The following NEGR1 variants were observed in gnomAD, a reference collection of about 807,000 sequenced individuals.
NEGR1 encodes neuronal growth regulator 1, also known as IgLON family member 4.
NEGR1 carries 10 observed loss-of-function variants against 40.9 expected under a neutral mutation model. That is an observed-to-expected ratio of 0.24 (90% CI 0.15 to 0.42). The LOEUF (loss-of-function observed/expected upper bound fraction) is 0.42, where lower values mean the gene tolerates loss of function less well. Among genes scored for constraint, NEGR1 ranks in the 10% least tolerant of loss-of-function variants. The pLI is 1.00. For synonymous variants in NEGR1, 185 were observed against 166.8 expected, an observed-to-expected ratio of 1.11 and a Z score of -0.84; for missense variants, 352 against 438.9, an observed-to-expected ratio of 0.80 and a Z score of 1.77.
intron 1 of NEGR1, among the ~76,000 whole-genome samples, chr1:72,060,621 A>G (rs992537732): frequency 1.3e-5 from 2 of 151,634 alleles, no homozygotes; most frequent in African/African-American, 4.8e-5. Flanking sequence ...TAAGCTCTGG[A>G]TTACAGAATG....
intron 3 of NEGR1, among the ~76,000 whole-genome samples, chr1:71,715,080 C>A (rs1356798321): frequency 6.6e-6 from 1 of 152,232 alleles, no homozygotes; most frequent in Non-Finnish European, 1.5e-5. Context: ...GGTTCCCAAA[C>A]CTCGATTCTT....
intron 4 of NEGR1, among the ~76,000 whole-genome samples, chr1:71,635,334 C>A (rs1651112253): frequency 6.6e-6 from 1 of 152,068 alleles, no homozygotes; most frequent in African/African-American, 2.4e-5. Flanking sequence ...AAAACTAAAA[C>A]AATCTATCAC....
At chr1:71,899,001 T>TTGC (rs1336346341) in intron 2 of NEGR1, among the ~76,000 whole-genome samples, 1 of 108,190 alleles carries the variant, frequency 9.2e-6, no homozygotes, top group East Asian at 3.6e-4. Flanking sequence ...TATATATATA[T>TTGC]ATATATATAT....
At chr1:72,194,253 A>C (rs1652923056) in intron 1 of NEGR1, among the ~76,000 whole-genome samples, 1 of 151,876 alleles carries the variant, frequency 6.6e-6, no homozygotes, top group Admixed American at 6.6e-5. Flanking sequence ...CAGAATGATA[A>C]AGGGAAAAGG....
chr1:71,552,327 T>C (rs1557563942), intron 6 of NEGR1, among the ~76,000 whole-genome samples: 1 of 149,844 alleles, frequency 6.7e-6, no homozygotes, highest in Non-Finnish European at 1.5e-5. Context: ...TATATATATA[T>C]AATATAGGGA....
intron 2 of NEGR1, among the ~76,000 whole-genome samples, chr1:71,932,146 G>A (rs1273346199): frequency 6.6e-6 from 1 of 152,140 alleles, no homozygotes; most frequent in African/African-American, 2.4e-5. Context: ...TACTTGTGGA[G>A]TAAGTAGTAA....
intron 1 of NEGR1, among the ~76,000 whole-genome samples, chr1:72,088,209 T>A (rs1320394912): frequency 6.6e-6 from 1 of 152,168 alleles, no homozygotes; most frequent in Non-Finnish European, 1.5e-5. Flanking sequence ...CCTGTTAGTG[T>A]GGTCCCTAGA....
At chr1:72,272,369 G>T (rs906872942) in intron 1 of NEGR1, among the ~76,000 whole-genome samples, 14 of 151,596 alleles carry the variant, frequency 9.2e-5, no homozygotes, top group African/African-American at 3.4e-4. Context: ...ACTGATCAAT[G>T]ACCAAATATA....
intron 4 of NEGR1, among the ~76,000 whole-genome samples, chr1:71,685,219 CTGTTTA>C (rs1239598792): frequency 6.6e-6 from 1 of 151,486 alleles, no homozygotes; most frequent in African/African-American, 2.4e-5. Context: ...AAAAAGACTT[CTGTTTA>C]TGTTTCCTGC....
chr1:71,796,968 A>G (rs1570359014), intron 2 of NEGR1, among the ~76,000 whole-genome samples: 1 of 152,126 alleles, frequency 6.6e-6, no homozygotes, highest in South Asian at 2.1e-4. Context: ...GGTCATTTTT[A>G]CAGCACATAT....
chr1:72,278,637 T>C (rs1225605316), intron 1 of NEGR1, among the ~76,000 whole-genome samples: 1 of 152,044 alleles, frequency 6.6e-6, no homozygotes, highest in South Asian at 2.1e-4. Flanking sequence ...AAACACTGGG[T>C]ACTGAAGCAT....
intron 2 of NEGR1, among the ~76,000 whole-genome samples, chr1:71,825,904 C>T (rs1370808689): frequency 2.0e-5 from 3 of 151,888 alleles, no homozygotes; most frequent in Non-Finnish European, 4.4e-5. Flanking sequence ...ATTATTTAGC[C>T]TATCATTCAC....
chr1:72,135,654 CA>C (rs1282582761), intron 1 of NEGR1, among the ~76,000 whole-genome samples: 1 of 152,002 alleles, frequency 6.6e-6, no homozygotes, highest in African/African-American at 2.4e-5. Context: ...ATGCAGTTTC[CA>C]AGAGAGGATC....
chr1:71,968,451 A>C (rs1286883956), intron 1 of NEGR1, among the ~76,000 whole-genome samples: 1 of 152,160 alleles, frequency 6.6e-6, no homozygotes, highest in Non-Finnish European at 1.5e-5. Context: ...TTTCTATTGC[A>C]TACTGGTTCT....
intron 1 of NEGR1, among the ~76,000 whole-genome samples, chr1:72,222,112 C>A (rs1009930356): frequency 1.3e-5 from 2 of 152,120 alleles, no homozygotes; most frequent in African/African-American, 4.8e-5. Context: ...TCCATCCCAG[C>A]ACCTGGATGA....
chr1:72,025,379 TTGTTTATAAAAA>T (rs1275540384), intron 1 of NEGR1, among the ~76,000 whole-genome samples: 3 of 152,184 alleles, frequency 2.0e-5, no homozygotes, highest in African/African-American at 7.2e-5. Context: ...CATGCAAAAC[TTGTTTATAAAAA>T]TGGGCAATTT....
chr1:72,207,277 T>C (rs1489421509), intron 1 of NEGR1, among the ~76,000 whole-genome samples: 1 of 151,808 alleles, frequency 6.6e-6, no homozygotes, highest in Non-Finnish European at 1.5e-5. Flanking sequence ...TCTTACTTCA[T>C]AGGATTAAGT....
intron 4 of NEGR1, among the ~76,000 whole-genome samples, chr1:71,617,584 G>A (rs1425328945): frequency 1.3e-5 from 2 of 152,206 alleles, no homozygotes; most frequent in Admixed American, 6.5e-5. Context: ...TGACTTGACA[G>A]CTTTCTGGTT....
intron 6 of NEGR1, among the ~76,000 whole-genome samples, chr1:71,529,779 C>G (rs1569991408): frequency 6.6e-6 from 1 of 151,224 alleles, no homozygotes; most frequent in Middle Eastern, 3.4e-3. Context: ...CACCATATAT[C>G]TCATTCATTG....
Sources: allele counts gnomAD v4.1 joint callset (sites outside exome capture counted in the v4.1 genomes callset), GRCh38; gene constraint gnomAD v4.1.1; transcripts MANE v1.5; gene names NCBI Gene and HGNC (gene_info 2026-07-23, HGNC 2026-07-21).